Variants in TACR1 observed in about 807,000 individuals in gnomAD.
TACR1 encodes the protein substance-P receptor.
In TACR1, 25 loss-of-function variants were observed where a neutral mutation model predicts 35.8. That is an observed-to-expected ratio of 0.70 (90% CI 0.51 to 0.98). The LOEUF is 0.98. Among genes scored for constraint, TACR1 ranks in the 50% least tolerant of loss-of-function variants. The pLI, the probability that TACR1 is intolerant of heterozygous loss-of-function variation, is 0.00. For missense variants in TACR1, 478 were observed against 522.9 expected (o/e 0.91, Z 0.84); for synonymous variants, 195 against 206.7 (o/e 0.94, Z 0.48).
chr2:75,157,599 C>G (rs180917246), intron 1 of TACR1, among the ~76,000 whole-genome samples: 1 of 152,318 alleles, frequency 6.6e-6, no homozygotes, highest in African/African-American at 2.4e-5. Flanking sequence ...GTGACAAATA[C>G]TCACTGGGAA....
chr2:75,130,027 C>G (rs1674147500), intron 1 of TACR1, among the ~76,000 whole-genome samples: 1 of 152,150 alleles, frequency 6.6e-6, no homozygotes, highest in African/African-American at 2.4e-5. Flanking sequence ...ACTCACAGTG[C>G]AAGTGAAGAA....
chr2:75,130,567 G>A lies in TACR1; in HGVS notation c.390-9799C>T, dbSNP rs373328872. On this transcript the variant is annotated intron_variant, in intron 1 of 4. Coordinates refer to ENST00000305249, the MANE Select transcript of TACR1 (RefSeq NM_001058.4). Reference sequence around the variant, plus strand: ...ATAGTGCTTTCTTAGTTAAATCTTTGACAGCAATAAGTTATAATTTCAAAG... The same window carrying A: ...ATAGTGCTTTCTTAGTTAAATCTTTAACAGCAATAAGTTATAATTTCAAAG... 1.3e-4 allele frequency among the ~76,000 whole-genome samples: 20 copies of A among 152,258 alleles called. 1 individual carries two copies. The East Asian group carries it at 3.5e-3, about 26-fold the overall frequency.
intron 2 of TACR1, among the ~76,000 whole-genome samples, chr2:75,116,288 G>A (rs1673856741): frequency 6.6e-6 from 1 of 151,850 alleles, no homozygotes; most frequent in Admixed American, 6.6e-5. Flanking sequence ...TTTGTAGAGA[G>A]GGGGTTTCAC....
chr2:75,172,489 C>A (rs1053244053), intron 1 of TACR1, among the ~76,000 whole-genome samples: 1 of 152,054 alleles, frequency 6.6e-6, no homozygotes, highest in African/African-American at 2.4e-5. Context: ...TCTAGGCAGC[C>A]CCCTTCCATG....
At chr2:75,082,614 A>G (rs1673112081) in intron 2 of TACR1, among the ~76,000 whole-genome samples, 2 of 152,202 alleles carry the variant, frequency 1.3e-5, no homozygotes, top group Middle Eastern at 3.2e-3. Context: ...AATGATTGCC[A>G]TTCTAACTGG....
At chr2:75,075,609 G>A (rs1572914062) in intron 2 of TACR1, among the ~76,000 whole-genome samples, 1 of 151,918 alleles carries the variant, frequency 6.6e-6, no homozygotes, top group Non-Finnish European at 1.5e-5. Flanking sequence ...GGAAAATAAG[G>A]CAGAATAAAT....
intron 2 of TACR1, among the ~76,000 whole-genome samples, chr2:75,074,337 G>A (rs935189940): frequency 1.3e-5 from 2 of 152,104 alleles, no homozygotes; most frequent in South Asian, 2.1e-4. Context: ...TGAAACTTCA[G>A]CCTCTAGCAA....
rs1302033940 is a variant in TACR1, at chr2:75,198,671, C to T, written c.264G>A (p.Val88=). 1.2e-6 allele frequency: 2 copies of T among 1,614,100 alleles called. No homozygotes were observed. Among genetic ancestry groups the T allele is most frequent in the African/African-American group, 1.3e-5 (1 of 74,934 alleles). The change falls in exon 1 of 5, where the codon GTG becomes GTA. Residue 88 remains valine (V), a synonymous_variant. Coordinates refer to ENST00000305249, the MANE Select transcript of TACR1 (RefSeq NM_001058.4). ...CGTTGTGGACAGCATAGGTGAAGTTCACCACTGTATTGAATGCAGCCATGG... is the reference window on the plus strand; with the variant it reads ...CGTTGTGGACAGCATAGGTGAAGTTTACCACTGTATTGAATGCAGCCATGG... ...EASMAAFNTV[V]NFTYAVHNEW...
intron 1 of TACR1, among the ~76,000 whole-genome samples, chr2:75,191,435 T>A (rs937749137): frequency 6.6e-6 from 1 of 152,068 alleles, no homozygotes. Context: ...GAGGTGCTTA[T>A]CATTTTCATC....
In TACR1 at chr2:75,047,522, A is replaced by G. The variant is rs948415907; in HGVS notation, c.*1910T>C. Reference sequence around the variant, plus strand: ...GATGGGGTGTCCCCAACTTCTTGACACCATCTTCTCAGGTACTTCTCATAA... The same window carrying G: ...GATGGGGTGTCCCCAACTTCTTGACGCCATCTTCTCAGGTACTTCTCATAA... On this transcript the variant is annotated 3_prime_UTR_variant, in exon 5 of 5. Coordinates refer to ENST00000305249, the MANE Select transcript of TACR1 (RefSeq NM_001058.4). The G allele has an allele frequency of 6.6e-6, 1 of 152,206 alleles. No homozygotes were observed. The highest frequency in any genetic ancestry group is 1.5e-5 in the Non-Finnish European group (1 of 68,052). 9.4% of individuals were successfully genotyped at this position (152,206 alleles called of 1,614,324 possible). A position where few individuals can be genotyped will look rare whatever the true frequency, so the allele number is the denominator to read the frequency against.
intron 1 of TACR1, among the ~76,000 whole-genome samples, chr2:75,130,444 C>G (rs1222041001): frequency 6.6e-6 from 1 of 152,206 alleles, no homozygotes; most frequent in Non-Finnish European, 1.5e-5. Flanking sequence ...GCTGAGTAAT[C>G]CTTCTCTGGA....
At chr2:75,081,048 A>G (rs572834332) in intron 2 of TACR1, among the ~76,000 whole-genome samples, 2 of 152,170 alleles carry the variant, frequency 1.3e-5, no homozygotes, top group South Asian at 4.1e-4. Flanking sequence ...TCCAGGCCCT[A>G]TGGCAGACTG....
chr2:75,151,994 G>A (rs1170882202), intron 1 of TACR1, among the ~76,000 whole-genome samples: 1 of 152,090 alleles, frequency 6.6e-6, no homozygotes, highest in Non-Finnish European at 1.5e-5. Context: ...TATTGTTTTG[G>A]CCAATTTCTC....
intron 1 of TACR1, among the ~76,000 whole-genome samples, chr2:75,170,863 TG>T (rs1391021646): frequency 6.6e-6 from 1 of 152,106 alleles, no homozygotes; most frequent in Non-Finnish European, 1.5e-5. Context: ...AGAGGTGAAT[TG>T]GGTACTGTTC....
At chr2:75,081,061 C>T (rs535330463) in intron 2 of TACR1, among the ~76,000 whole-genome samples, 3 of 152,098 alleles carry the variant, frequency 2.0e-5, no homozygotes, top group South Asian at 2.1e-4. Context: ...GCAGACTGCT[C>T]GAGAGAAAAA....
intron 2 of TACR1, 104 bp from the exon 3 acceptor site, chr2:75,053,859 C>T (rs1007409012): frequency 3.5e-6 from 5 of 1,445,600 alleles, no homozygotes; most frequent in Non-Finnish European, 4.7e-6. Context: ...CTACCTTTCT[C>T]AGCATATGCC....
At chr2:75,126,134 C>T (rs1208091440) in intron 1 of TACR1, among the ~76,000 whole-genome samples, 1 of 152,132 alleles carries the variant, frequency 6.6e-6, no homozygotes, top group Non-Finnish European at 1.5e-5. Context: ...CATCAGTTCT[C>T]ATCATTTAGT....
chr2:75,072,266 G>A, intron 2 of TACR1, among the ~76,000 whole-genome samples: 1 of 152,270 alleles, frequency 6.6e-6, no homozygotes, highest in Non-Finnish European at 1.5e-5. Flanking sequence ...CGTCTGCCAG[G>A]TCAAGGATGC....
chr2:75,192,354 G>C (rs1383611602), intron 1 of TACR1, among the ~76,000 whole-genome samples: 2 of 152,184 alleles, frequency 1.3e-5, no homozygotes, highest in African/African-American at 4.8e-5. Context: ...CCTGAGACAA[G>C]TAGGAATAGT....
Sources: allele counts gnomAD v4.1 joint callset (sites outside exome capture counted in the v4.1 genomes callset), GRCh38; gene constraint gnomAD v4.1.1; transcripts MANE v1.5; gene names NCBI Gene and HGNC (gene_info 2026-07-23, HGNC 2026-07-21).